Variants in CTNNA3 observed in about 807,000 individuals in gnomAD.
CTNNA3 encodes the protein catenin alpha-3.
In CTNNA3, 76 loss-of-function variants were observed where a neutral mutation model predicts 95.7. The ratio of observed to expected loss-of-function variants is 0.79; its 90% CI spans 0.66 to 0.96. The LOEUF (loss-of-function observed/expected upper bound fraction) is 0.96. CTNNA3 is among the 40% of genes least tolerant of loss of function. The pLI is 0.00. For synonymous variants in CTNNA3, 431 were observed against 374.4 expected, an observed-to-expected ratio of 1.15 and a Z score of -1.74; for missense variants, 1,191 against 1,089.8, an observed-to-expected ratio of 1.09 and a Z score of -1.31.
intron 11 of CTNNA3, among the ~76,000 whole-genome samples, chr10:66,443,137 T>G (rs1000551063): frequency 4.6e-5 from 7 of 152,090 alleles, no homozygotes; most frequent in African/African-American, 1.7e-4. Flanking sequence ...CCAGGCTTGA[T>G]TAGGTAAACA....
At chr10:66,908,068 T>G (rs757617859) in intron 7 of CTNNA3, among the ~76,000 whole-genome samples, 1 of 152,214 alleles carries the variant, frequency 6.6e-6, no homozygotes, top group Non-Finnish European at 1.5e-5. Context: ...TTCTATTTGA[T>G]GGCCTCAAAT....
intron 12 of CTNNA3, among the ~76,000 whole-genome samples, chr10:66,340,812 A>G (rs1432978996): frequency 1.3e-5 from 2 of 151,814 alleles, no homozygotes; most frequent in African/African-American, 4.8e-5. Flanking sequence ...TGTGGCGAAA[A>G]AAAGGTGAAG....
intron 5 of CTNNA3, among the ~76,000 whole-genome samples, chr10:67,227,804 G>A (rs1450359617): frequency 6.6e-6 from 1 of 152,060 alleles, no homozygotes; most frequent in Non-Finnish European, 1.5e-5. Flanking sequence ...GCCATAAAAT[G>A]AGCCTCAATA....
At chr10:66,776,981 T>G (rs184987914) in intron 7 of CTNNA3, among the ~76,000 whole-genome samples, 3 of 152,290 alleles carry the variant, frequency 2.0e-5, no homozygotes, top group African/African-American at 7.2e-5. Context: ...ATAGTTTGAT[T>G]AGAGGCCTAC....
chr10:66,108,274 C>A (rs1366842185), intron 13 of CTNNA3, among the ~76,000 whole-genome samples: 1 of 152,164 alleles, frequency 6.6e-6, no homozygotes, highest in East Asian at 1.9e-4. Flanking sequence ...TGCCCCACAC[C>A]TTTGACCATG....
chr10:67,077,562 A>T (rs931341296), intron 7 of CTNNA3, among the ~76,000 whole-genome samples: 2 of 151,886 alleles, frequency 1.3e-5, no homozygotes, highest in Non-Finnish European at 2.9e-5. Context: ...CCCACTTTCT[A>T]CTTGATTCAT....
chr10:66,071,309 G>C (rs10509250), intron 14 of CTNNA3, among the ~76,000 whole-genome samples: 27,956 of 87,366 alleles, frequency 0.32, 2,977 homozygotes, highest in Middle Eastern at 0.38. Flanking sequence ...ACTGTCAAAG[G>C]CTTTTTCAAT....
intron 7 of CTNNA3, among the ~76,000 whole-genome samples, chr10:66,958,700 G>A (rs1848962656): frequency 6.6e-6 from 1 of 152,036 alleles, no homozygotes; most frequent in South Asian, 2.1e-4. Flanking sequence ...CAGCACCAGA[G>A]CCAAATTTGA....
At chr10:67,232,101 A>C (rs1184749911) in intron 5 of CTNNA3, among the ~76,000 whole-genome samples, 1 of 152,114 alleles carries the variant, frequency 6.6e-6, no homozygotes, top group African/African-American at 2.4e-5. Flanking sequence ...GATATTATCC[A>C]GGAGAACTTC....
chr10:66,381,936 A>G (rs1383889813), intron 11 of CTNNA3, among the ~76,000 whole-genome samples: 2 of 152,188 alleles, frequency 1.3e-5, no homozygotes, highest in African/African-American at 4.8e-5. Context: ...CTTTAATGAC[A>G]CATTAAGAAG....
rs180817660 is a variant in CTNNA3 at position 66,063,583 on chromosome 10, C to T, written c.2159+5725G>A. Among the ~76,000 whole-genome samples the T allele has an allele frequency of 3.0e-3, 456 of 151,732 alleles. 4 individuals are homozygous for T. Among genetic ancestry groups the T allele is most frequent in the East Asian group, 0.02 (101 of 5,170 alleles). ...TCCTATACGCCACTATGTTAAATGA[C>T]AGATTTTTAAATAATTTTATTTTTA... On this transcript the variant is annotated intron_variant, in intron 15 of 17. Transcript: ENST00000433211.
At chr10:66,690,478 C>G (rs1847481477) in intron 9 of CTNNA3, among the ~76,000 whole-genome samples, 1 of 150,746 alleles carries the variant, frequency 6.6e-6, no homozygotes, top group Non-Finnish European at 1.5e-5. Context: ...CTCCCCCGTC[C>G]CCCCACCCCA....
chr10:67,368,132 C>T (rs1440254524), intron 5 of CTNNA3, among the ~76,000 whole-genome samples: 1 of 151,982 alleles, frequency 6.6e-6, no homozygotes, highest in African/African-American at 2.4e-5. Flanking sequence ...AATAAATGTC[C>T]CACAAAGGAC....
intron 3 of CTNNA3, among the ~76,000 whole-genome samples, chr10:67,583,387 C>G (rs954343145): frequency 6.6e-6 from 1 of 152,078 alleles, no homozygotes; most frequent in African/African-American, 2.4e-5. Context: ...AATATTGGTC[C>G]CCACTCTCTT....
intron 9 of CTNNA3, among the ~76,000 whole-genome samples, chr10:66,632,009 T>C (rs1417221301): frequency 6.6e-6 from 1 of 152,018 alleles, no homozygotes. Context: ...TATATATCTA[T>C]TGAAATAAGC....
chr10:67,372,151 CA>C (rs1564604943), intron 5 of CTNNA3, among the ~76,000 whole-genome samples: 1 of 151,856 alleles, frequency 6.6e-6, no homozygotes, highest in Admixed American at 6.6e-5. Flanking sequence ...GAGTAGATTG[CA>C]AAAATTTTCT....
intron 5 of CTNNA3, among the ~76,000 whole-genome samples, chr10:67,381,399 A>G (rs1043148920): frequency 2.0e-5 from 3 of 152,084 alleles, no homozygotes; most frequent in Non-Finnish European, 4.4e-5. Context: ...AAAAGACTCT[A>G]TTTTGTGTTT....
At chr10:66,420,102 C>A (rs1285410810) in intron 11 of CTNNA3, among the ~76,000 whole-genome samples, 1 of 152,064 alleles carries the variant, frequency 6.6e-6, no homozygotes, top group African/African-American at 2.4e-5. Flanking sequence ...AAAGAAACCA[C>A]CTGTATGGGA....
At position 67,562,679 on chromosome 10, in the gene CTNNA3, G is replaced by A. The variant is rs556274308; in HGVS notation, c.293-23010C>T. 7.2e-5 allele frequency among the ~76,000 whole-genome samples: 11 copies of A among 152,200 alleles called. No homozygotes were observed. The South Asian group carries it at 8.3e-4, about 11-fold the overall frequency. ...GAAGTAAATAAAGGGTATTCAATTA[G>A]GAAAAGAGGAAGTCAAACTGTCCCT... On this transcript the variant is annotated intron_variant, in intron 3 of 17. Transcript: ENST00000433211.
Sources: gnomAD v4.1 joint callset for allele counts (sites outside exome capture counted in the v4.1 genomes callset) on GRCh38, gnomAD v4.1.1 for gene constraint, MANE v1.5 for transcripts, NCBI Gene and HGNC (gene_info 2026-07-23, HGNC 2026-07-21) for gene names.